The following CDH18 variants were observed in gnomAD, a reference collection of about 807,000 sequenced individuals.
CDH18 encodes the protein cadherin-18.
A neutral mutation model predicts 67.9 loss-of-function variants in CDH18; 31 were observed. The observed-to-expected ratio is 0.46, with a 90% CI of 0.34 to 0.62. CDH18 has a LOEUF of 0.62. Ranked by LOEUF, CDH18 falls within the 20% of genes least tolerant of loss-of-function variation. CDH18 has a pLI of 0.01. For missense variants in CDH18, 890 were observed against 975.5 expected (o/e 0.91, Z 1.17); for synonymous variants, 362 against 347.2 (o/e 1.04, Z -0.48).
At chr5:20,008,560 T>A (rs1737131380) in intron 2 of CDH18, among the ~76,000 whole-genome samples, 1 of 152,120 alleles carries the variant, frequency 6.6e-6, no homozygotes, top group Admixed American at 6.6e-5. Context: ...GTACAGAACT[T>A]TTCATTTTTA....
At chr5:19,662,664 A>G (rs1757344437) in intron 5 of CDH18, among the ~76,000 whole-genome samples, 1 of 152,024 alleles carries the variant, frequency 6.6e-6, no homozygotes, top group African/African-American at 2.4e-5. Flanking sequence ...ACATATGTGC[A>G]GCACTACATC....
chr5:19,642,638 G>A (rs1391971907), intron 5 of CDH18, among the ~76,000 whole-genome samples: 1 of 151,900 alleles, frequency 6.6e-6, no homozygotes, highest in Admixed American at 6.6e-5. Flanking sequence ...TAATTTAAAT[G>A]GACCCTTATT....
At chr5:20,170,974 T>G (rs1398208321) in intron 2 of CDH18, among the ~76,000 whole-genome samples, 1 of 152,096 alleles carries the variant, frequency 6.6e-6, no homozygotes, top group Non-Finnish European at 1.5e-5. Flanking sequence ...TATCTGTTCC[T>G]GCATTAGTTT....
chr5:19,488,610 T>A (rs926330257), intron 11 of CDH18, among the ~76,000 whole-genome samples: 1 of 152,178 alleles, frequency 6.6e-6, no homozygotes, highest in Non-Finnish European at 1.5e-5. Context: ...TTAACCATTA[T>A]CAGAGTGCAT....
intron 2 of CDH18, among the ~76,000 whole-genome samples, chr5:20,182,348 A>G (rs1305926432): frequency 6.6e-6 from 1 of 151,994 alleles, no homozygotes; most frequent in African/African-American, 2.4e-5. Flanking sequence ...CATGCCTACA[A>G]TTGCAGAACT....
chr5:19,643,128 A>G (rs1404036755), intron 5 of CDH18, among the ~76,000 whole-genome samples: 1 of 152,134 alleles, frequency 6.6e-6, no homozygotes, highest in Non-Finnish European at 1.5e-5. Context: ...CAAGACCACA[A>G]AGAGATATTA....
At chr5:20,326,537 C>CTTTT (rs372636215) in intron 1 of CDH18, among the ~76,000 whole-genome samples, 3 of 134,128 alleles carry the variant, frequency 2.2e-5, no homozygotes, top group Non-Finnish European at 3.2e-5. Context: ...AACATATTTA[C>CTTTT]TTTTTTTTTT....
intron 1 of CDH18, among the ~76,000 whole-genome samples, chr5:20,353,221 G>T (rs1472517941): frequency 2.0e-5 from 3 of 152,036 alleles, no homozygotes; most frequent in African/African-American, 7.2e-5. Flanking sequence ...TTTGGTTTTC[G>T]TGTTTTGCTT....
At chr5:19,964,821 A>G (rs1037826844) in intron 2 of CDH18, among the ~76,000 whole-genome samples, 1 of 152,174 alleles carries the variant, frequency 6.6e-6, no homozygotes, top group Non-Finnish European at 1.5e-5. Flanking sequence ...CAAAACGACT[A>G]TAGCAATGTT....
chr5:20,372,267 T>C (rs1212139874), intron 1 of CDH18, among the ~76,000 whole-genome samples: 1 of 152,324 alleles, frequency 6.6e-6, no homozygotes, highest in African/African-American at 2.4e-5. Context: ...AGGTTTAATA[T>C]TTGATACATG....
intron 1 of CDH18, among the ~76,000 whole-genome samples, chr5:20,468,546 A>T (rs1001600982): frequency 1.3e-5 from 2 of 152,210 alleles, no homozygotes; most frequent in African/African-American, 4.8e-5. Flanking sequence ...CATATTTTCA[A>T]GATCACTCTA....
intron 2 of CDH18, among the ~76,000 whole-genome samples, chr5:20,186,263 T>C (rs1256146329): frequency 6.6e-6 from 1 of 151,928 alleles, no homozygotes; most frequent in African/African-American, 2.4e-5. Context: ...GGATATGATA[T>C]CACAACAACA....
intron 11 of CDH18, among the ~76,000 whole-genome samples, chr5:19,489,521 A>C (rs1741026394): frequency 6.6e-6 from 1 of 152,054 alleles, no homozygotes; most frequent in Admixed American, 6.6e-5. Flanking sequence ...TGCTGGGATT[A>C]CAGGTGTGAG....
intron 1 of CDH18, among the ~76,000 whole-genome samples, chr5:20,390,521 C>A (rs1475575370): frequency 6.6e-6 from 1 of 152,120 alleles, no homozygotes; most frequent in Non-Finnish European, 1.5e-5. Flanking sequence ...GAAATAGGAA[C>A]ACTTTTACAC....
At chr5:19,480,886 A>G (rs1739314178) in intron 12 of CDH18, among the ~76,000 whole-genome samples, 1 of 152,016 alleles carries the variant, frequency 6.6e-6, no homozygotes, top group African/African-American at 2.4e-5. Context: ...AAGTAGCTTC[A>G]ACTACAGGTG....
At chr5:19,873,345 G>T (rs968654749) in intron 2 of CDH18, among the ~76,000 whole-genome samples, 1 of 152,054 alleles carries the variant, frequency 6.6e-6, no homozygotes, top group African/African-American at 2.4e-5. Flanking sequence ...CATCTGTGGT[G>T]GCTACAGCAA....
At chr5:20,270,296 T>C (rs1343035622) in intron 1 of CDH18, among the ~76,000 whole-genome samples, 1 of 152,118 alleles carries the variant, frequency 6.6e-6, no homozygotes, top group Non-Finnish European at 1.5e-5. Flanking sequence ...TTTTATGATA[T>C]AGAATTGTTA....
chr5:19,638,397 T>G (rs1442985422), intron 5 of CDH18, among the ~76,000 whole-genome samples: 3 of 152,208 alleles, frequency 2.0e-5, no homozygotes, highest in Non-Finnish European at 2.9e-5. Context: ...TGTTATGCAG[T>G]AAATATGGAT....
rs1293426068 is a variant in CDH18 at position 19,960,553 on chromosome 5, GTGTGTGTA to G, written c.-257+20499_-257+20506del. Among the ~76,000 whole-genome samples the G allele has an allele frequency of 1.3e-3, 104 of 79,502 alleles. 10 individuals carry two copies. Among genetic ancestry groups the G allele is most frequent in the African/African-American group, 7.9e-3 (99 of 12,480 alleles). 52.2% of individuals were successfully genotyped at this position (79,502 alleles called of 152,430 possible). On this transcript the variant is annotated intron_variant, in intron 2 of 12. Transcript: ENST00000382275. ...CTGAGGATGTTTAATATACGTGTGT[GTGTGTGTA>G]TGTGTGTGTGTGTGTGTGTGTGTGT... is the stretch of plus-strand genomic sequence containing the variant.
Sources: allele counts gnomAD v4.1 joint callset (sites outside exome capture counted in the v4.1 genomes callset), GRCh38; gene constraint gnomAD v4.1.1; transcripts MANE v1.5; gene names NCBI Gene and HGNC (gene_info 2026-07-23, HGNC 2026-07-21).